The following MACROD2 variants were observed in gnomAD, a reference collection of about 807,000 sequenced individuals.
MACROD2 encodes the protein mono-ADP ribosylhydrolase 2.
A neutral mutation model predicts 70.4 loss-of-function variants in MACROD2; 36 were observed. The observed-to-expected ratio is 0.51, with a 90% CI of 0.39 to 0.68. The LOEUF is 0.68. Ranked by LOEUF, MACROD2 falls within the 30% of genes least tolerant of loss-of-function variation. The pLI is 0.00. For missense variants in MACROD2, 496 were observed against 538.4 expected (o/e 0.92, Z 0.78); for synonymous variants, 172 against 178.8 (o/e 0.96, Z 0.30).
intron 3 of MACROD2, among the ~76,000 whole-genome samples, chr20:14,349,875 A>G (rs2083105107): frequency 6.7e-6 from 1 of 149,490 alleles, no homozygotes; most frequent in East Asian, 2.0e-4. Flanking sequence ...CAGCCTCCCA[A>G]GTAGCTGGAA....
chr20:14,733,274 AAAT>A (rs1282630725), intron 5 of MACROD2, among the ~76,000 whole-genome samples: 1 of 152,138 alleles, frequency 6.6e-6, no homozygotes, highest in Non-Finnish European at 1.5e-5. Context: ...AGGACAATAA[AAAT>A]AATACTTCTC....
At chr20:15,516,154 T>C (rs922668056) in intron 8 of MACROD2, among the ~76,000 whole-genome samples, 1 of 150,152 alleles carries the variant, frequency 6.7e-6, no homozygotes, top group Non-Finnish European at 1.5e-5. Flanking sequence ...CTACTTTTAA[T>C]TTTTCTCTCT....
chr20:16,005,476 A>G (rs1235708786), intron 15 of MACROD2, among the ~76,000 whole-genome samples: 1 of 152,204 alleles, frequency 6.6e-6, no homozygotes, highest in Non-Finnish European at 1.5e-5. Context: ...AACAGAAGCA[A>G]CTGGCTCACT....
rs1235545055 is a variant in MACROD2, at chr20:15,233,969, TTATATATATTTATTTATA to T, written c.540+3918_540+3935del. ...ACCCTTGGATCCAAAAAATTTATTT[TTATATATATTTATTTATA>T]TATATATATATATATATATATATTC... On this transcript the variant is annotated intron_variant, in intron 6 of 17. Transcript: ENST00000684519. 9.8e-4 allele frequency among the ~76,000 whole-genome samples: 55 copies of T among 56,100 alleles called. 1 individual carries two copies. The highest frequency in any genetic ancestry group is 3.7e-3 in the African/African-American group (47 of 12,732). 36.8% of individuals were successfully genotyped at this position (56,100 alleles called of 152,430 possible). A position where few individuals can be genotyped will look rare whatever the true frequency, so the allele number is the denominator to read the frequency against.
At chr20:14,526,226 T>A (rs1166682258) in intron 4 of MACROD2, among the ~76,000 whole-genome samples, 1 of 152,232 alleles carries the variant, frequency 6.6e-6, no homozygotes, top group Non-Finnish European at 1.5e-5. Flanking sequence ...TTTTTCATAC[T>A]GTCTCTAAAT....
At chr20:14,450,267 A>G (rs1414819707) in intron 3 of MACROD2, among the ~76,000 whole-genome samples, 3 of 152,146 alleles carry the variant, frequency 2.0e-5, no homozygotes, top group African/African-American at 7.3e-5. Flanking sequence ...TTCTGTTCAT[A>G]TGCATGTTGG....
intron 5 of MACROD2, among the ~76,000 whole-genome samples, chr20:15,217,309 C>T (rs142149453): frequency 5.1e-4 from 78 of 152,236 alleles, no homozygotes; most frequent in African/African-American, 1.7e-3. Context: ...CATCACCTCC[C>T]ACATGCCAGG....
chr20:15,881,016 C>T (rs2064747289), intron 9 of MACROD2, among the ~76,000 whole-genome samples: 1 of 152,086 alleles, frequency 6.6e-6, no homozygotes, highest in Non-Finnish European at 1.5e-5. Flanking sequence ...ATCAGATAAT[C>T]TGTTACCTTC....
intron 5 of MACROD2, among the ~76,000 whole-genome samples, chr20:14,734,051 A>G (rs569761450): frequency 6.6e-6 from 1 of 152,278 alleles, no homozygotes; most frequent in East Asian, 1.9e-4. Context: ...CTGATTTCAA[A>G]GAGTTATTAT....
intron 5 of MACROD2, among the ~76,000 whole-genome samples, chr20:15,018,395 G>T (rs1026848529): frequency 1.3e-5 from 2 of 152,108 alleles, no homozygotes. Context: ...AGCATTTTGG[G>T]CAAAGCTATT....
intron 5 of MACROD2, among the ~76,000 whole-genome samples, chr20:15,174,573 C>T (rs1425640670): frequency 2.0e-5 from 3 of 152,070 alleles, no homozygotes; most frequent in Admixed American, 6.5e-5. Context: ...CCTGAGGAAT[C>T]GCCACACTGA....
intron 8 of MACROD2, among the ~76,000 whole-genome samples, chr20:15,560,559 T>C (rs376826489): frequency 1.3e-5 from 2 of 151,680 alleles, no homozygotes; most frequent in Non-Finnish European, 2.9e-5. Context: ...GGTCAGGAGT[T>C]TGAGACCAGC....
At chr20:14,265,769 C>A (rs991338047) in intron 3 of MACROD2, among the ~76,000 whole-genome samples, 13 of 143,392 alleles carry the variant, frequency 9.1e-5, no homozygotes, top group South Asian at 2.2e-4. Context: ...CTGTTCCCCG[C>A]CTTGTCCTTT....
At chr20:14,067,122 T>C (rs1161426536) in intron 2 of MACROD2, among the ~76,000 whole-genome samples, 1 of 124,890 alleles carries the variant, frequency 8.0e-6, no homozygotes, top group African/African-American at 3.4e-5. Flanking sequence ...GATTTTTTAG[T>C]GTTTTTTTTT....
chr20:15,568,865 C>G (rs745929582), intron 8 of MACROD2, among the ~76,000 whole-genome samples: 1 of 152,156 alleles, frequency 6.6e-6, no homozygotes, highest in African/African-American at 2.4e-5. Flanking sequence ...GAAGAATCTT[C>G]TAGCTTAAGT....
intron 8 of MACROD2, among the ~76,000 whole-genome samples, chr20:15,577,351 A>G (rs144889691): frequency 2.5e-4 from 38 of 152,270 alleles, no homozygotes; most frequent in South Asian, 4.1e-4. Context: ...GAGTATTTTC[A>G]AACAAATCCA....
intron 3 of MACROD2, among the ~76,000 whole-genome samples, chr20:14,170,799 T>C (rs1293474344): frequency 6.6e-6 from 1 of 152,156 alleles, no homozygotes; most frequent in Non-Finnish European, 1.5e-5. Flanking sequence ...TATTGGGCCT[T>C]AGTTTTCCTT....
At chr20:14,311,263 C>T (rs1023566886) in intron 3 of MACROD2, among the ~76,000 whole-genome samples, 6 of 151,916 alleles carry the variant, frequency 3.9e-5, no homozygotes, top group African/African-American at 1.5e-4. Context: ...TTTAATGTAC[C>T]TTTTCTATGT....
intron 5 of MACROD2, among the ~76,000 whole-genome samples, chr20:14,810,137 A>T (rs776109246): frequency 6.6e-6 from 1 of 152,148 alleles, no homozygotes; most frequent in Admixed American, 6.5e-5. Context: ...CACAACAACG[A>T]CAAAATAATT....
Sources: allele counts gnomAD v4.1 joint callset (sites outside exome capture counted in the v4.1 genomes callset), GRCh38; gene constraint gnomAD v4.1.1; transcripts MANE v1.5; gene names NCBI Gene and HGNC (gene_info 2026-07-23, HGNC 2026-07-21).